Variants in LRRC7 observed in about 807,000 individuals in gnomAD.
The protein encoded by LRRC7 is leucine-rich repeat-containing protein 7.
LRRC7 carries 23 observed loss-of-function variants against 175.7 expected under a neutral mutation model. That is an observed-to-expected ratio of 0.13 (90% CI 0.09 to 0.19). The LOEUF (loss-of-function observed/expected upper bound fraction) is 0.19. Among genes scored for constraint, LRRC7 ranks in the 10% least tolerant of loss-of-function variants. LRRC7 has a pLI of 1.00. For synonymous variants in LRRC7, 685 were observed against 680.9 expected (o/e 1.01, Z -0.09); for missense variants, 1,354 against 1,904.7 (o/e 0.71, Z 5.38).
intron 3 of LRRC7, among the ~76,000 whole-genome samples, chr1:69,783,323 A>C (rs950098717): frequency 5.3e-5 from 8 of 152,238 alleles, no homozygotes; most frequent in African/African-American, 1.7e-4. Flanking sequence ...CTGGTGACCC[A>C]GCTAGAGTGA....
intron 18 of LRRC7, among the ~76,000 whole-genome samples, chr1:70,030,249 T>A (rs887241481): frequency 2.0e-5 from 3 of 152,338 alleles, no homozygotes; most frequent in South Asian, 4.1e-4. Flanking sequence ...TACAGTGACT[T>A]CTTATTGCTA....
chr1:69,830,713 G>A (rs114366905), intron 5 of LRRC7, among the ~76,000 whole-genome samples: 2,019 of 151,912 alleles, frequency 0.013, 32 homozygotes, highest in African/African-American at 0.041. Flanking sequence ...AAAAATTCAC[G>A]TTGAAGTGAG....
rs142851297 is a variant in LRRC7, at chr1:69,987,622, A to G, written c.931+1236A>G. On this transcript the variant is annotated intron_variant, in intron 10 of 26. Transcript: ENST00000651989. ...TCCACATATGAGTTGTAAATTTTTA[A>G]TCATTATTAAGTTCCAGAACATATA... 5.3e-3 allele frequency among the ~76,000 whole-genome samples: 813 copies of G among 152,296 alleles called. 9 individuals carry two copies. Among genetic ancestry groups the G allele is most frequent in the African/African-American group, 0.018 (758 of 41,550 alleles).
intron 2 of LRRC7, among the ~76,000 whole-genome samples, chr1:69,694,226 T>C (rs1261656755): frequency 1.3e-5 from 2 of 152,234 alleles, no homozygotes; most frequent in Non-Finnish European, 2.9e-5. Context: ...GGCAATTACA[T>C]GTATCCTCAC....
intron 1 of LRRC7, among the ~76,000 whole-genome samples, chr1:69,647,460 C>A (rs553598540): frequency 1.3e-5 from 2 of 152,142 alleles, no homozygotes; most frequent in Non-Finnish European, 2.9e-5. Flanking sequence ...TTCTAGCAAC[C>A]ATCTTTGTGG....
intron 8 of LRRC7, 81 bp downstream of exon 8, chr1:69,931,651 T>A: frequency 1.8e-6 from 2 of 1,095,416 alleles, no homozygotes; most frequent in Non-Finnish European, 2.8e-6. Context: ...AACCAAGGTA[T>A]TAACTTGATT....
chr1:69,681,169 T>C (rs1660440476), intron 2 of LRRC7, among the ~76,000 whole-genome samples: 2 of 152,230 alleles, frequency 1.3e-5, no homozygotes, highest in Non-Finnish European at 1.5e-5. Flanking sequence ...ATGTTTGATA[T>C]TAGTTTAACA....
At position 69,582,376 on chromosome 1, in the gene LRRC7, T is replaced by C. The variant is rs116727743; in HGVS notation, c.2+13735T>C. ...CAGCAGCAGCTCCACTCAGCTCTCT[T>C]TACCCAATCTTCTCACTCCAGGATC... On this transcript the variant is annotated intron_variant, in intron 1 of 26. Coordinates refer to ENST00000651989, the MANE Select transcript of LRRC7 (RefSeq NM_001370785.2). Among the ~76,000 whole-genome samples, 872 of 152,248 alleles carry C rather than the reference T, an allele frequency of 5.7e-3. 11 individuals are homozygous for C. Among genetic ancestry groups the C allele is most frequent in the African/African-American group, 0.02 (839 of 41,538 alleles).
At chr1:69,713,013 G>T (rs550932174) in intron 2 of LRRC7, among the ~76,000 whole-genome samples, 3 of 152,034 alleles carry the variant, frequency 2.0e-5, no homozygotes, top group African/African-American at 7.2e-5. Flanking sequence ...GGAGGGGCAC[G>T]TTTTGTTTTC....
intron 7 of LRRC7, among the ~76,000 whole-genome samples, chr1:69,847,528 C>T (rs952799782): frequency 1.3e-5 from 2 of 152,054 alleles, no homozygotes; most frequent in Non-Finnish European, 2.9e-5. Context: ...CACCCACCAC[C>T]GCATAACAAA....
intron 18 of LRRC7, among the ~76,000 whole-genome samples, chr1:70,030,714 CA>C (rs951522847): frequency 6.6e-6 from 1 of 151,590 alleles, no homozygotes; most frequent in Non-Finnish European, 1.5e-5. Context: ...AGAAAACCCC[CA>C]AAAAAAGAAT....
In LRRC7 at chr1:70,129,495, A is replaced by G. The variant is rs1158983179; in HGVS notation, c.*7608A>G. 6.6e-6 allele frequency among the ~76,000 whole-genome samples: 1 copy of G among 152,122 alleles called. No homozygotes were observed. The highest frequency in any genetic ancestry group is 6.5e-5 in the Admixed American group (1 of 15,276). On this transcript the variant is annotated 3_prime_UTR_variant, in exon 27 of 27. Transcript: ENST00000651989. ...ACTGAGTCTGTATGCCCCTGACGTT[A>G]CGGGAGAAGGAGATGGAATTCAACA... is the stretch of plus-strand genomic sequence containing the variant.
chr1:69,901,474 C>T (rs1271885852), intron 7 of LRRC7, among the ~76,000 whole-genome samples: 1 of 151,988 alleles, frequency 6.6e-6, no homozygotes, highest in Admixed American at 6.5e-5. Context: ...AAGTGGGCTT[C>T]CTCATCTAGT....
At chr1:69,620,066 T>C (rs1650313368) in intron 1 of LRRC7, among the ~76,000 whole-genome samples, 1 of 152,184 alleles carries the variant, frequency 6.6e-6, no homozygotes, top group African/African-American at 2.4e-5. Context: ...CTCCTTCCTT[T>C]CCCAACGATT....
At chr1:70,110,388 A>AAAAAAT (rs1665445792) in intron 26 of LRRC7, among the ~76,000 whole-genome samples, 1 of 152,156 alleles carries the variant, frequency 6.6e-6, no homozygotes, top group Non-Finnish European at 1.5e-5. Flanking sequence ...TTAAAAAAAT[A>AAAAAAT]AAAAATAAAA....
At chr1:69,709,769 A>C (rs139922134) in intron 2 of LRRC7, among the ~76,000 whole-genome samples, 10 of 152,238 alleles carry the variant, frequency 6.6e-5, no homozygotes, top group African/African-American at 2.4e-4. Context: ...TCAGAAATGC[A>C]TAAGAAATAT....
At chr1:70,005,926 AT>A (rs66843601) in intron 11 of LRRC7, among the ~76,000 whole-genome samples, 10,693 of 151,992 alleles carry the variant, frequency 0.07, 791 homozygotes, top group African/African-American at 0.19. Flanking sequence ...TTTGCAACTT[AT>A]TTTTACTTTC....
intron 2 of LRRC7, among the ~76,000 whole-genome samples, chr1:69,695,060 G>C (rs1662397204): frequency 6.6e-6 from 1 of 152,136 alleles, no homozygotes; most frequent in African/African-American, 2.4e-5. Flanking sequence ...AAGAAGACAG[G>C]AAGATAAGGG....
chr1:70,119,047 CT>C (rs3831948), intron 26 of LRRC7, among the ~76,000 whole-genome samples: 20,350 of 146,938 alleles, frequency 0.14, 1,969 homozygotes, highest in African/African-American at 0.28. Flanking sequence ...GGATTTGGTG[CT>C]TTTTTTTTTG....
Sources: gnomAD v4.1 joint callset for allele counts (sites outside exome capture counted in the v4.1 genomes callset) on GRCh38, gnomAD v4.1.1 for gene constraint, MANE v1.5 for transcripts, NCBI Gene and HGNC (gene_info 2026-07-23, HGNC 2026-07-21) for gene names.